SPATA17: variants seen among roughly 807,000 people sequenced by gnomAD.
SPATA17 encodes the protein spermatogenesis associated 17, also known as spermatogenesis-associated protein 17.
In SPATA17, 53 loss-of-function variants were observed where a neutral mutation model predicts 62.2. The observed-to-expected ratio is 0.85, with a 90% CI of 0.68 to 1.07. The LOEUF is 1.07. Ranked by LOEUF, SPATA17 falls within the 50% of genes least tolerant of loss-of-function variation. The pLI, the probability that SPATA17 is intolerant of heterozygous loss-of-function variation, is 0.00. For missense variants in SPATA17, 466 were observed against 425.5 expected (o/e 1.10, Z -0.84); for synonymous variants, 146 against 146.8 (o/e 0.99, Z 0.04).
chr1:217,763,034 C>G (rs61825790), intron 6 of SPATA17, among the ~76,000 whole-genome samples: 1 of 152,182 alleles, frequency 6.6e-6, no homozygotes, highest in Admixed American at 6.5e-5. Flanking sequence ...TTCAAAGATT[C>G]TGAATGAGTC....
chr1:217,720,257 T>C (rs922702162), intron 5 of SPATA17, among the ~76,000 whole-genome samples: 2 of 152,154 alleles, frequency 1.3e-5, no homozygotes, highest in Non-Finnish European at 2.9e-5. Context: ...AGCTAAAAAA[T>C]TGGTGACTGA....
chr1:217,665,248 G>T (rs955726607), intron 3 of SPATA17: 1 of 150,502 alleles, frequency 6.6e-6, no homozygotes, highest in African/African-American at 2.5e-5. Flanking sequence ...ATGTGCCTTA[G>T]CTTGTGACTA....
chr1:217,793,224 T>G (rs576039829), intron 8 of SPATA17, among the ~76,000 whole-genome samples: 4,667 of 144,774 alleles, frequency 0.032, 124 homozygotes, highest in Middle Eastern at 0.063. Context: ...GGTTTTTGTT[T>G]TTTTTTTTTT....
intron 4 of SPATA17, among the ~76,000 whole-genome samples, chr1:217,682,312 T>C (rs1671103410): frequency 1.3e-5 from 2 of 151,538 alleles, no homozygotes; most frequent in African/African-American, 4.9e-5. Context: ...GTATAAGATA[T>C]CTAGAAGCTG....
At chr1:217,830,184 A>G (rs1675101499) in intron 9 of SPATA17, among the ~76,000 whole-genome samples, 2 of 152,144 alleles carry the variant, frequency 1.3e-5, no homozygotes, top group Admixed American at 6.6e-5. Flanking sequence ...ATCATTTTGT[A>G]TCTTCCATTC....
chr1:217,726,866 A>G (rs1372585695), intron 5 of SPATA17, among the ~76,000 whole-genome samples: 1 of 152,102 alleles, frequency 6.6e-6, no homozygotes. Context: ...TAAATGGAGT[A>G]TCATCTTTAC....
intron 3 of SPATA17, among the ~76,000 whole-genome samples, chr1:217,662,365 A>T (rs776897375): frequency 6.6e-6 from 1 of 152,148 alleles, no homozygotes; most frequent in Non-Finnish European, 1.5e-5. Context: ...TAACATATGT[A>T]TGGCAACCAC....
chr1:217,841,409 T>A (rs548506054), intron 9 of SPATA17, among the ~76,000 whole-genome samples: 1 of 152,006 alleles, frequency 6.6e-6, no homozygotes, highest in African/African-American at 2.4e-5. Flanking sequence ...ACATTTTTAA[T>A]ACCTAGAAAA....
Position 217,867,570 on chromosome 1 carries a change from G to A in SPATA17, c.*551G>A, listed in dbSNP as rs1305327861. The A allele has an allele frequency of 6.6e-6, 1 of 152,194 alleles. No individual in the cohort carries two copies. The highest frequency in any genetic ancestry group is 2.4e-5 in the African/African-American group (1 of 41,442). 9.4% of individuals were successfully genotyped at this position (152,194 alleles called of 1,614,324 possible). The stretch of plus-strand genomic sequence containing the variant: ...AGAAGCATAGGCACTCTCAAATAGA[G>A]AAGACATTTGCAAGTCTCTGCTGCC... On this transcript the variant is annotated 3_prime_UTR_variant, in exon 11 of 11. Transcript: ENST00000366933.
intron 3 of SPATA17, among the ~76,000 whole-genome samples, chr1:217,659,895 A>G (rs901156641): frequency 1.3e-5 from 2 of 152,288 alleles, no homozygotes; most frequent in South Asian, 4.1e-4. Flanking sequence ...TTTTACTGCC[A>G]TGCCTGTAGT....
chr1:217,801,978 T>C, intron 9 of SPATA17, 128 bp downstream of exon 9: 1 of 1,016,056 alleles, frequency 9.8e-7, no homozygotes, highest in South Asian at 1.9e-5. Context: ...TTATAGCTGT[T>C]TTAGGTAAAG....
chr1:217,704,236 T>TTTTTC (rs1217736939), intron 5 of SPATA17, among the ~76,000 whole-genome samples: 4 of 110,882 alleles, frequency 3.6e-5, no homozygotes, highest in Non-Finnish European at 5.6e-5. Context: ...CTACCTTTTT[T>TTTTTC]TTTTTTTTTT....
intron 5 of SPATA17, among the ~76,000 whole-genome samples, chr1:217,722,301 G>A (rs765371085): frequency 1.3e-5 from 2 of 152,082 alleles, no homozygotes; most frequent in African/African-American, 2.4e-5. Context: ...CTTGCATGTT[G>A]AAGTAGTAAT....
rs1219680632 is a variant in SPATA17, at chr1:217,741,923, T to G, written c.396-52T>G. ...AACTGATTTATCATCAGTGAAAGAA[T>G]TAAAATGTTAACACATAGTATCATA... On this transcript the variant is annotated intron_variant, in intron 5 of 10. Coordinates refer to ENST00000366933, the MANE Select transcript of SPATA17 (RefSeq NM_138796.4). 2.5e-6 allele frequency: 4 copies of G among 1,604,886 alleles called. No homozygotes were observed. The East Asian group carries it at 8.9e-5, about 36-fold the overall frequency.
chr1:217,707,639 A>C (rs1376095766), intron 5 of SPATA17, among the ~76,000 whole-genome samples: 1 of 152,184 alleles, frequency 6.6e-6, no homozygotes, highest in African/African-American at 2.4e-5. Context: ...ATTAGACAGA[A>C]CGTTGAGGCA....
chr1:217,688,245 AT>A (rs1437476489), intron 5 of SPATA17, among the ~76,000 whole-genome samples: 1 of 152,114 alleles, frequency 6.6e-6, no homozygotes, highest in Non-Finnish European at 1.5e-5. Context: ...TCTAAAAAAA[AT>A]AAATAAACAA....
intron 5 of SPATA17, among the ~76,000 whole-genome samples, chr1:217,731,776 C>T (rs992448608): frequency 7.9e-5 from 12 of 151,962 alleles, no homozygotes; most frequent in Admixed American, 1.3e-4. Flanking sequence ...AGTTTTAATA[C>T]TAAAAAATGT....
intron 9 of SPATA17, among the ~76,000 whole-genome samples, chr1:217,815,629 G>A (rs1159647): frequency 0.29 from 44,254 of 152,084 alleles, 7,715 homozygotes; most frequent in Non-Finnish European, 0.38. Context: ...GTGTTTTGCG[G>A]ATGTGCTTAA....
chr1:217,661,608 C>G (rs1017497571), intron 3 of SPATA17, among the ~76,000 whole-genome samples: 4 of 151,796 alleles, frequency 2.6e-5, no homozygotes, highest in African/African-American at 9.7e-5. Context: ...TTTTGTTTTT[C>G]TTTTCAACTT....
Sources: allele counts gnomAD v4.1 joint callset (sites outside exome capture counted in the v4.1 genomes callset), GRCh38; gene constraint gnomAD v4.1.1; transcripts MANE v1.5; gene names NCBI Gene and HGNC (gene_info 2026-07-23, HGNC 2026-07-21).